The following WWOX variants were observed in gnomAD, a reference collection of about 807,000 sequenced individuals.
WWOX encodes the protein WW domain containing oxidoreductase.
WWOX carries 69 observed loss-of-function variants against 46.2 expected under a neutral mutation model. The observed-to-expected ratio is 1.49, with a 90% CI of 1.23 to 1.82. The LOEUF is 1.82. Ranked by LOEUF, WWOX falls within the 40% of genes most tolerant of loss-of-function variation. WWOX has a pLI of 0.00. For synonymous variants in WWOX, 359 were observed against 202.6 expected, an observed-to-expected ratio of 1.77 and a Z score of -6.56; for missense variants, 919 against 542.6, an observed-to-expected ratio of 1.69 and a Z score of -6.89.
intron 5 of WWOX, among the ~76,000 whole-genome samples, chr16:78,378,682 A>G (rs1225380712): frequency 6.6e-6 from 1 of 152,164 alleles, no homozygotes. Context: ...TAAAATCAGG[A>G]CTGAGAGTAT....
At chr16:78,810,047 T>C (rs1189744380) in intron 8 of WWOX, among the ~76,000 whole-genome samples, 1 of 152,238 alleles carries the variant, frequency 6.6e-6, no homozygotes, top group Non-Finnish European at 1.5e-5. Flanking sequence ...TCCATTTTTA[T>C]GCTTCCTGGT....
intron 6 of WWOX, among the ~76,000 whole-genome samples, chr16:78,406,334 ATATATATATATATATATATATT>A (rs2082540322): frequency 1.1e-5 from 1 of 87,066 alleles, no homozygotes; most frequent in Admixed American, 1.0e-4. Flanking sequence ...ATATATATAT[ATATATATATATATATATATATT>A]TTATTATTTT....
chr16:78,917,754 C>T (rs2151265008), intron 8 of WWOX, among the ~76,000 whole-genome samples: 1 of 152,096 alleles, frequency 6.6e-6, no homozygotes, highest in African/African-American at 2.4e-5. Context: ...CACCATATGT[C>T]ATAAGGTCTA....
intron 8 of WWOX, among the ~76,000 whole-genome samples, chr16:79,182,355 C>G (rs933756568): frequency 6.6e-6 from 1 of 152,082 alleles, no homozygotes; most frequent in Non-Finnish European, 1.5e-5. Flanking sequence ...CTCCCTACTT[C>G]CCTTTTTAAC....
At chr16:79,095,437 C>T (rs951802174) in intron 8 of WWOX, among the ~76,000 whole-genome samples, 7 of 152,096 alleles carry the variant, frequency 4.6e-5, no homozygotes, top group Non-Finnish European at 7.4e-5. Context: ...GGTGGAAGGT[C>T]AGAGAGCCAG....
chr16:78,564,044 C>T (rs372199009), intron 8 of WWOX, among the ~76,000 whole-genome samples: 8 of 152,270 alleles, frequency 5.3e-5, no homozygotes, highest in East Asian at 3.9e-4. Context: ...GCCTTCTGGG[C>T]GATGAGAGAC....
chr16:78,526,157 C>G (rs77388354), intron 8 of WWOX: 1 of 152,156 alleles, frequency 6.6e-6, no homozygotes, highest in Non-Finnish European at 1.5e-5. Context: ...TCAGAGATCC[C>G]GAGGAAGGGC....
At chr16:79,032,287 T>C (rs909995154) in intron 8 of WWOX, among the ~76,000 whole-genome samples, 8 of 146,194 alleles carry the variant, frequency 5.5e-5, no homozygotes, top group Admixed American at 4.2e-4. Context: ...TAATATATAA[T>C]AGACTCTATA....
intron 8 of WWOX, among the ~76,000 whole-genome samples, chr16:78,546,898 G>A (rs895372639): frequency 2.0e-5 from 3 of 152,012 alleles, no homozygotes; most frequent in Non-Finnish European, 4.4e-5. Flanking sequence ...AGGCTGAGGC[G>A]GGTGGATCAC....
intron 5 of WWOX, chr16:78,264,933 T>C (rs2079328364): frequency 1.3e-5 from 2 of 151,406 alleles, no homozygotes; most frequent in South Asian, 4.2e-4. Flanking sequence ...TTTCCTTTCT[T>C]TTTCTTTTTC....
chr16:78,382,975 C>T (rs944155951), intron 5 of WWOX, among the ~76,000 whole-genome samples: 4 of 151,288 alleles, frequency 2.6e-5, no homozygotes, highest in Admixed American at 6.6e-5. Flanking sequence ...CCAATCATGG[C>T]GAAGAGGAAG....
At chr16:79,157,826 G>A (rs1315328415) in intron 8 of WWOX, among the ~76,000 whole-genome samples, 1 of 152,200 alleles carries the variant, frequency 6.6e-6, no homozygotes, top group African/African-American at 2.4e-5. Flanking sequence ...GGTTCTGTGG[G>A]GAGGACTGAA....
chr16:78,136,743 C>T (rs1292571485), intron 4 of WWOX, among the ~76,000 whole-genome samples: 2 of 152,160 alleles, frequency 1.3e-5, no homozygotes, highest in Admixed American at 6.5e-5. Context: ...CCTAACTGAG[C>T]AGTAAGACCA....
chr16:78,788,985 T>C (rs1194296576), intron 8 of WWOX, among the ~76,000 whole-genome samples: 1 of 152,220 alleles, frequency 6.6e-6, no homozygotes, highest in Non-Finnish European at 1.5e-5. Flanking sequence ...ATATAAATGA[T>C]TTGCAAACAT....
At chr16:78,253,550 C>T (rs1203258836) in intron 5 of WWOX, among the ~76,000 whole-genome samples, 2 of 152,184 alleles carry the variant, frequency 1.3e-5, no homozygotes, top group Non-Finnish European at 2.9e-5. Flanking sequence ...AGAAGTGTCA[C>T]ACTTTTGTGC....
chr16:78,129,718 T>C (rs889289676), intron 4 of WWOX, among the ~76,000 whole-genome samples: 4 of 152,112 alleles, frequency 2.6e-5, no homozygotes, highest in Admixed American at 2.0e-4. Flanking sequence ...TCTTTTTTTT[T>C]TTGTCAGACT....
chr16:78,619,196 T>A (rs867925969), intron 8 of WWOX, among the ~76,000 whole-genome samples: 668 of 34,596 alleles, frequency 0.019, 179 homozygotes, highest in Non-Finnish European at 0.021. Flanking sequence ...TATATATATA[T>A]ATATATATAT....
chr16:78,319,095 A>G (rs1390920700), intron 5 of WWOX, among the ~76,000 whole-genome samples: 1 of 152,006 alleles, frequency 6.6e-6, no homozygotes, highest in Non-Finnish European at 1.5e-5. Context: ...AGGGGGAGAG[A>G]GAGTCGGATG....
intron 8 of WWOX, chr16:78,895,315 A>C (rs150037202): frequency 2.0e-5 from 3 of 152,172 alleles, no homozygotes; most frequent in Admixed American, 2.0e-4. Context: ...AAAATAACTT[A>C]AGTTTCTGTG....
Sources: allele counts gnomAD v4.1 joint callset (sites outside exome capture counted in the v4.1 genomes callset), GRCh38; gene constraint gnomAD v4.1.1; transcripts MANE v1.5; gene names NCBI Gene and HGNC (gene_info 2026-07-23, HGNC 2026-07-21).